Variants in AK5 observed in about 807,000 individuals in gnomAD.
AK5 encodes adenylate kinase 5.
AK5 carries 27 observed loss-of-function variants against 69.5 expected under a neutral mutation model. That is an observed-to-expected ratio of 0.39 (90% confidence interval 0.29 to 0.54). The LOEUF is 0.54. AK5 is among the 20% of genes least tolerant of loss of function. The pLI is 0.71. For missense variants in AK5, 531 were observed against 700.4 expected (o/e 0.76, Z 2.73); for synonymous variants, 260 against 244.4 (o/e 1.06, Z -0.60).
intron 5 of AK5, among the ~76,000 whole-genome samples, chr1:77,317,870 G>A (rs762649277): frequency 2.4e-4 from 37 of 152,170 alleles, no homozygotes; most frequent in Non-Finnish European, 5.1e-4. Flanking sequence ...TCTGGTGAGC[G>A]GAACCCAAGA....
At chr1:77,339,924 A>G (rs1011228291) in intron 5 of AK5, among the ~76,000 whole-genome samples, 6 of 152,088 alleles carry the variant, frequency 3.9e-5, no homozygotes, top group Non-Finnish European at 7.4e-5. Flanking sequence ...CCAGCCAGCA[A>G]TATCTTAAGG....
chr1:77,359,220 A>C (rs1041713366), intron 6 of AK5, among the ~76,000 whole-genome samples: 1 of 151,500 alleles, frequency 6.6e-6, no homozygotes, highest in Non-Finnish European at 1.5e-5. Flanking sequence ...ACGCCACTGC[A>C]CTCCAGCCTG....
chr1:77,328,302 C>G (rs1557499530), intron 5 of AK5, among the ~76,000 whole-genome samples: 1 of 152,050 alleles, frequency 6.6e-6, no homozygotes, highest in Non-Finnish European at 1.5e-5. Context: ...AGTTCAAGAC[C>G]AGCCTGACCA....
chr1:77,377,697 C>CT (rs1351155730), intron 6 of AK5, among the ~76,000 whole-genome samples: 2 of 152,208 alleles, frequency 1.3e-5, no homozygotes, highest in Non-Finnish European at 2.9e-5. Flanking sequence ...TAGGGCTACT[C>CT]TATCATGTTA....
chr1:77,447,514 G>T (rs1652827043), intron 8 of AK5, among the ~76,000 whole-genome samples: 1 of 152,176 alleles, frequency 6.6e-6, no homozygotes, highest in African/African-American at 2.4e-5. Context: ...TCTAGGGTTA[G>T]AAAACATATG....
intron 5 of AK5, among the ~76,000 whole-genome samples, chr1:77,320,318 C>A (rs2100321757): frequency 6.6e-6 from 1 of 152,220 alleles, no homozygotes; most frequent in African/African-American, 2.4e-5. Flanking sequence ...CTCAGCCAAA[C>A]CGTATTGGAA....
chr1:77,311,683 G>A (rs961057756), intron 5 of AK5, among the ~76,000 whole-genome samples: 1 of 84,680 alleles, frequency 1.2e-5, no homozygotes, highest in Non-Finnish European at 2.7e-5. Flanking sequence ...TTTTCCCCCT[G>A]ATACTGAATC....
chr1:77,469,637 G>A (rs1359145769), intron 8 of AK5, among the ~76,000 whole-genome samples: 3 of 136,854 alleles, frequency 2.2e-5, no homozygotes, highest in South Asian at 2.5e-4. Flanking sequence ...GTGGTCAGCC[G>A]CTGGGTCAGC....
At chr1:77,498,810 A>C (rs1656518639) in intron 10 of AK5, among the ~76,000 whole-genome samples, 1 of 152,246 alleles carries the variant, frequency 6.6e-6, no homozygotes, top group African/African-American at 2.4e-5. Context: ...AAACCATAAC[A>C]GAAGTTTAGA....
chr1:77,368,245 A>ATTATATATAATATATATGTTATATATAT (rs1553140332), intron 6 of AK5, among the ~76,000 whole-genome samples: 3 of 67,906 alleles, frequency 4.4e-5, no homozygotes, highest in African/African-American at 1.5e-4. Context: ...ATATATATAT[A>ATTATATATAATATATATGTTATATATAT]TATATATAAT....
At chr1:77,416,650 G>A (rs1650446815) in intron 7 of AK5, among the ~76,000 whole-genome samples, 1 of 152,022 alleles carries the variant, frequency 6.6e-6, no homozygotes, top group African/African-American at 2.4e-5. Flanking sequence ...ACTGTGTAAG[G>A]ACATACCCCG....
chr1:77,373,514 G>A lies in AK5; in HGVS notation c.891+32946G>A, dbSNP rs567196935. On this transcript the variant is annotated intron_variant, in intron 6 of 13. Coordinates refer to ENST00000354567, the MANE Select transcript of AK5 (RefSeq NM_174858.3). Reference sequence around the variant, plus strand: ...GGCCGAGGCGGGTGGATCACTTGAGGTCAGGAGTCGAGACCAGCCTGGCCA... The same window carrying A: ...GGCCGAGGCGGGTGGATCACTTGAGATCAGGAGTCGAGACCAGCCTGGCCA... 1.5e-3 allele frequency among the ~76,000 whole-genome samples: 231 copies of A among 152,246 alleles called. 1 individual carries two copies. Among genetic ancestry groups the A allele is most frequent in the African/African-American group, 5.3e-3 (221 of 41,542 alleles).
chr1:77,465,278 C>T (rs1057354325), intron 8 of AK5, among the ~76,000 whole-genome samples: 5 of 152,144 alleles, frequency 3.3e-5, no homozygotes, highest in Middle Eastern at 3.4e-3. Flanking sequence ...TTCACTGCAA[C>T]ATTCAGTAGA....
chr1:77,444,008 T>C (rs2100642250), intron 8 of AK5, among the ~76,000 whole-genome samples: 1 of 151,292 alleles, frequency 6.6e-6, no homozygotes, highest in South Asian at 2.1e-4. Context: ...TATTATTAAC[T>C]ATAGTCCTCA....
At chr1:77,449,473 A>G (rs1456645639) in intron 8 of AK5, among the ~76,000 whole-genome samples, 1 of 152,216 alleles carries the variant, frequency 6.6e-6, no homozygotes, top group Non-Finnish European at 1.5e-5. Flanking sequence ...TCTGGGAAGT[A>G]ACTAACTTGC....
At chr1:77,386,181 G>A (rs184248747) in intron 6 of AK5, among the ~76,000 whole-genome samples, 1 of 152,268 alleles carries the variant, frequency 6.6e-6, no homozygotes, top group Non-Finnish European at 1.5e-5. Flanking sequence ...TGAGCCCTTA[G>A]TAAATCAAAT....
At chr1:77,423,468 A>G (rs1650989080) in intron 8 of AK5, among the ~76,000 whole-genome samples, 1 of 152,106 alleles carries the variant, frequency 6.6e-6, no homozygotes, top group African/African-American at 2.4e-5. Context: ...TTGCTGCTCT[A>G]TCCTAACAAC....
At chr1:77,438,313 A>C (rs868762052) in intron 8 of AK5, among the ~76,000 whole-genome samples, 3,924 of 146,612 alleles carry the variant, frequency 0.027, 214 homozygotes, top group African/African-American at 0.095. Flanking sequence ...AAAAAAAAAA[A>C]AAAAAAAAAA....
intron 1 of AK5, 114 bp downstream of exon 1, chr1:77,282,487 G>A: frequency 1.4e-6 from 2 of 1,408,010 alleles, no homozygotes; most frequent in South Asian, 3.2e-5. Context: ...GTAATGAAGG[G>A]GCTTGTAGAA....
Sources: gnomAD v4.1 joint callset for allele counts (sites outside exome capture counted in the v4.1 genomes callset) on GRCh38, gnomAD v4.1.1 for gene constraint, MANE v1.5 for transcripts, NCBI Gene and HGNC (gene_info 2026-07-23, HGNC 2026-07-21) for gene names.